Variants in RARS2 observed in about 807,000 individuals in gnomAD.
The protein encoded by RARS2 is arginyl-tRNA synthetase 2, mitochondrial.
RARS2 carries 67 observed loss-of-function variants against 88.5 expected under a neutral mutation model. That is an observed-to-expected ratio of 0.76 (90% CI 0.62 to 0.93). RARS2 has a LOEUF of 0.93. Ranked by LOEUF, RARS2 falls within the 40% of genes least tolerant of loss-of-function variation. The pLI, the probability that RARS2 is intolerant of heterozygous loss-of-function variation, is 0.00. For missense variants in RARS2, 664 were observed against 684.2 expected (o/e 0.97, Z 0.33); for synonymous variants, 239 against 230.3 (o/e 1.04, Z -0.34).
chr6:87,545,945 A>G (rs1782501443), intron 6 of RARS2, among the ~76,000 whole-genome samples: 1 of 152,116 alleles, frequency 6.6e-6, no homozygotes, highest in East Asian at 1.9e-4. Context: ...TTTCACCTAC[A>G]TTATTAATAG....
chr6:87,531,335 A>G (rs1777463832), intron 8 of RARS2, among the ~76,000 whole-genome samples: 1 of 152,224 alleles, frequency 6.6e-6, no homozygotes, highest in Non-Finnish European at 1.5e-5. Context: ...ATTTAAGACT[A>G]AACTGGCATT....
intron 2 of RARS2, among the ~76,000 whole-genome samples, chr6:87,566,188 G>A (rs1171646146): frequency 6.6e-6 from 1 of 152,092 alleles, no homozygotes; most frequent in Admixed American, 6.6e-5. Context: ...CAATCTAAAT[G>A]TCTAGCAACA....
chr6:87,524,095 C>G (rs1430917372), intron 11 of RARS2, among the ~76,000 whole-genome samples: 1 of 152,166 alleles, frequency 6.6e-6, no homozygotes, highest in African/African-American at 2.4e-5. Flanking sequence ...ATATAAAATT[C>G]TGGCCTGGGA....
chr6:87,560,944 A>G (rs956743428), intron 4 of RARS2, among the ~76,000 whole-genome samples: 7 of 152,240 alleles, frequency 4.6e-5, no homozygotes, highest in African/African-American at 1.7e-4. Context: ...GGTGTAAACC[A>G]ACTTACTGCA....
chr6:87,538,889 T>C (rs887377680), intron 8 of RARS2, among the ~76,000 whole-genome samples: 12 of 151,404 alleles, frequency 7.9e-5, no homozygotes, highest in Admixed American at 1.3e-4. Context: ...AAAAAATTAG[T>C]TGGGTGTGCT....
At chr6:87,520,122 G>T in intron 13 of RARS2, 58 bp downstream of exon 13, 1 of 1,382,508 alleles carries the variant, frequency 7.2e-7, no homozygotes, top group Non-Finnish European at 1.0e-6. Flanking sequence ...TAACCACTAG[G>T]TACATTTTCA....
intron 7 of RARS2, among the ~76,000 whole-genome samples, chr6:87,544,760 G>GAGAGATAAA: frequency 6.6e-6 from 1 of 151,826 alleles, no homozygotes; most frequent in Non-Finnish European, 1.5e-5. Flanking sequence ...ATTTGTGGTA[G>GAGAGATAAA]TACTTAACTG....
At chr6:87,542,112 G>A in intron 7 of RARS2, 118 bp from the exon 8 acceptor site, 1 of 765,154 alleles carries the variant, frequency 1.3e-6, no homozygotes, top group South Asian at 1.5e-5. Context: ...ATCCTGAGAA[G>A]TATTACAAAA....
At chr6:87,529,920 C>T (rs1240885958) in intron 9 of RARS2, among the ~76,000 whole-genome samples, 5 of 151,946 alleles carry the variant, frequency 3.3e-5, no homozygotes, top group Non-Finnish European at 4.4e-5. Context: ...AAAATCACTC[C>T]TCTTCTCAAA....
intron 1 of RARS2, among the ~76,000 whole-genome samples, chr6:87,585,752 T>A (rs964438978): frequency 6.6e-6 from 1 of 151,134 alleles, no homozygotes; most frequent in African/African-American, 2.4e-5. Flanking sequence ...AATAAATAAA[T>A]AAAAATAAAA....
chr6:87,578,377 A>C (rs1262947016), intron 1 of RARS2, among the ~76,000 whole-genome samples: 1 of 152,144 alleles, frequency 6.6e-6, no homozygotes, highest in Non-Finnish European at 1.5e-5. Context: ...CTAAAAATAA[A>C]AGTCAGTGTT....
chr6:87,554,813 A>G (rs1785309647), intron 5 of RARS2, among the ~76,000 whole-genome samples: 1 of 152,124 alleles, frequency 6.6e-6, no homozygotes, highest in African/African-American at 2.4e-5. Flanking sequence ...ATTAAAGTAA[A>G]TAACTAGTCA....
At chr6:87,535,682 T>G (rs1003938710) in intron 8 of RARS2, among the ~76,000 whole-genome samples, 41 of 148,390 alleles carry the variant, frequency 2.8e-4, no homozygotes, top group Non-Finnish European at 3.9e-4. Context: ...TTTTGTTTTT[T>G]TTTTTTTTTT....
intron 3 of RARS2, 148 bp downstream of exon 3, chr6:87,563,982 A>G: frequency 1.5e-6 from 1 of 689,598 alleles, no homozygotes; most frequent in Non-Finnish European, 2.5e-6. Flanking sequence ...CTTATAGTAC[A>G]TGGCTAAAAT....
intron 4 of RARS2, among the ~76,000 whole-genome samples, chr6:87,560,572 T>A (rs1197707862): frequency 6.6e-6 from 1 of 152,232 alleles, no homozygotes; most frequent in Non-Finnish European, 1.5e-5. Context: ...AATCGAATTT[T>A]TTTTCTTGAT....
intron 1 of RARS2, among the ~76,000 whole-genome samples, chr6:87,586,881 G>GTTAT (rs145438214): frequency 0.018 from 2,634 of 147,480 alleles, 40 homozygotes; most frequent in East Asian, 0.03. Flanking sequence ...TGTGGGGTTG[G>GTTAT]TTATTTATTT....
chr6:87,535,447 A>AT (rs983738364), intron 8 of RARS2, among the ~76,000 whole-genome samples: 58 of 151,724 alleles, frequency 3.8e-4, no homozygotes, highest in Non-Finnish European at 6.8e-4. Context: ...ATTTAAAAAA[A>AT]TTTTTTTTTG....
intron 8 of RARS2, among the ~76,000 whole-genome samples, chr6:87,533,012 A>ACTC (rs1778016667): frequency 6.6e-6 from 1 of 152,176 alleles, no homozygotes; most frequent in African/African-American, 2.4e-5. Flanking sequence ...GTGGTTTCTG[A>ACTC]TTCTATCTCA....
chr6:87,585,987 T>A (rs1775037447), intron 1 of RARS2, among the ~76,000 whole-genome samples: 1 of 152,170 alleles, frequency 6.6e-6, no homozygotes, highest in Non-Finnish European at 1.5e-5. Context: ...CCTACAAAAA[T>A]GATAGAATGG....
Sources: allele counts gnomAD v4.1 joint callset (sites outside exome capture counted in the v4.1 genomes callset), GRCh38; gene constraint gnomAD v4.1.1; transcripts MANE v1.5; gene names NCBI Gene and HGNC (gene_info 2026-07-23, HGNC 2026-07-21).